PLEKHG1: variants seen among roughly 807,000 people sequenced by gnomAD.
PLEKHG1 encodes the protein pleckstrin homology and RhoGEF domain containing G1.
A neutral mutation model predicts 100.8 loss-of-function variants in PLEKHG1; 44 were observed. The observed-to-expected ratio is 0.44, with a 90% CI of 0.34 to 0.56. PLEKHG1 has a LOEUF of 0.56. PLEKHG1 is among the 20% of genes least tolerant of loss of function. The pLI is 0.01. For synonymous variants in PLEKHG1, 640 were observed against 662.5 expected (o/e 0.97, Z 0.52); for missense variants, 1,545 against 1,720.9 (o/e 0.90, Z 1.81).
intron 10 of PLEKHG1, among the ~76,000 whole-genome samples, chr6:150,811,286 TA>T (rs1337718417): frequency 2.0e-5 from 3 of 150,946 alleles, no homozygotes; most frequent in Non-Finnish European, 4.4e-5. Flanking sequence ...TTTTTTTTTT[TA>T]AAGACAGGAT....
At chr6:150,755,248 C>A (rs562110718) in intron 2 of PLEKHG1, among the ~76,000 whole-genome samples, 8 of 149,512 alleles carry the variant, frequency 5.4e-5, no homozygotes, top group Non-Finnish European at 7.4e-5. Flanking sequence ...AGTGCTAGGA[C>A]TATAGGCATG....
At chr6:150,775,274 A>G (rs889149797) in intron 3 of PLEKHG1, among the ~76,000 whole-genome samples, 1 of 152,218 alleles carries the variant, frequency 6.6e-6, no homozygotes, top group African/African-American at 2.4e-5. Context: ...CTCTCTTGGA[A>G]TACAGAAACG....
At position 150,736,476 on chromosome 6, in the gene PLEKHG1, T is replaced by C. The variant is rs142532739; in HGVS notation, c.411+2384T>C. Among the ~76,000 whole-genome samples the C allele has an allele frequency of 3.1e-3, 467 of 152,306 alleles. 5 individuals carry two copies. Among genetic ancestry groups the C allele is most frequent in the African/African-American group, 0.011 (445 of 41,568 alleles). On this transcript the variant is annotated intron_variant, in intron 2 of 15. Transcript: ENST00000358517. ...TTTTACCTGAAGTCTTTCACAAAAA[T>C]AATCAGATTAGGCTGAATGCGGTGG...
intron 10 of PLEKHG1, among the ~76,000 whole-genome samples, chr6:150,811,635 T>TAA (rs55740953): frequency 9.4e-4 from 131 of 139,554 alleles, no homozygotes; most frequent in Non-Finnish European, 1.7e-3. Context: ...AGACCTGCAT[T>TAA]AAAAAAAAAA....
intron 15 of PLEKHG1, among the ~76,000 whole-genome samples, chr6:150,832,859 G>A (rs1391759593): frequency 6.6e-6 from 1 of 151,338 alleles, no homozygotes; most frequent in African/African-American, 2.4e-5. Context: ...TACATTTTTT[G>A]TAGAGAAGGG....
At chr6:150,727,387 A>C (rs909025201) in intron 1 of PLEKHG1, among the ~76,000 whole-genome samples, 2 of 152,182 alleles carry the variant, frequency 1.3e-5, no homozygotes, top group Non-Finnish European at 2.9e-5. Flanking sequence ...CAGCCTAAGA[A>C]ACCAGAGCCA....
chr6:150,684,677 A>G (rs1283857418), intron 3 of PLEKHG1, among the ~76,000 whole-genome samples: 1 of 152,008 alleles, frequency 6.6e-6, no homozygotes, highest in African/African-American at 2.4e-5. Context: ...GAGCACCACT[A>G]GGAGGGTGTT....
At chr6:150,724,917 A>G (rs973392657) in intron 1 of PLEKHG1, among the ~76,000 whole-genome samples, 2 of 152,154 alleles carry the variant, frequency 1.3e-5, no homozygotes, top group Non-Finnish European at 2.9e-5. Context: ...CCCCTTAGCT[A>G]AGGCAATTTA....
chr6:150,640,728 CACTG>C (rs1778219004), intron 2 of PLEKHG1, among the ~76,000 whole-genome samples: 1 of 152,078 alleles, frequency 6.6e-6, no homozygotes, highest in South Asian at 2.1e-4. Context: ...AAACTGCTCT[CACTG>C]ACCTCATGCC....
chr6:150,719,363 C>T (rs1367791881), upstream of PLEKHG1, among the ~76,000 whole-genome samples: 1 of 152,124 alleles, frequency 6.6e-6, no homozygotes, highest in Non-Finnish European at 1.5e-5. Flanking sequence ...TGATCTGAGG[C>T]TGTGCACGAT....
chr6:150,685,665 A>G (rs911751281), intron 3 of PLEKHG1, among the ~76,000 whole-genome samples: 7 of 152,222 alleles, frequency 4.6e-5, no homozygotes, highest in African/African-American at 1.2e-4. Flanking sequence ...GGAAAGGTCA[A>G]AATAATAAGG....
intron 3 of PLEKHG1, among the ~76,000 whole-genome samples, chr6:150,695,555 A>G (rs1288405955): frequency 1.3e-5 from 2 of 152,218 alleles, no homozygotes; most frequent in African/African-American, 2.4e-5. Context: ...CTTCTACTTA[A>G]CATTTGTGTG....
At chr6:150,753,096 G>A (rs1482966589) in intron 2 of PLEKHG1, among the ~76,000 whole-genome samples, 1 of 152,106 alleles carries the variant, frequency 6.6e-6, no homozygotes, top group Non-Finnish European at 1.5e-5. Flanking sequence ...CTGGGCAACA[G>A]AGCCAGAGCC....
chr6:150,638,916 A>T (rs912587576), intron 2 of PLEKHG1, among the ~76,000 whole-genome samples: 3 of 152,214 alleles, frequency 2.0e-5, no homozygotes, highest in African/African-American at 7.2e-5. Flanking sequence ...CTACAGCTTT[A>T]AAAGTATATT....
intron 3 of PLEKHG1, among the ~76,000 whole-genome samples, chr6:150,715,037 G>C (rs1308368792): frequency 6.6e-6 from 1 of 152,036 alleles, no homozygotes; most frequent in Non-Finnish European, 1.5e-5. Context: ...GGCCCCAAAT[G>C]ATCCACCCAC....
chr6:150,737,013 G>A (rs892697702), intron 2 of PLEKHG1, among the ~76,000 whole-genome samples: 8 of 152,148 alleles, frequency 5.3e-5, no homozygotes, highest in Admixed American at 1.3e-4. Flanking sequence ...GGCAGGAAGA[G>A]CTAGATGCTC....
chr6:150,750,075 A>G (rs760019985), intron 2 of PLEKHG1, among the ~76,000 whole-genome samples: 90 of 152,152 alleles, frequency 5.9e-4, no homozygotes, highest in Non-Finnish European at 9.9e-4. Flanking sequence ...CTGTCTCAAA[A>G]AAAAAAGAAA....
intron 3 of PLEKHG1, among the ~76,000 whole-genome samples, chr6:150,712,148 G>A (rs1414122700): frequency 6.6e-6 from 1 of 152,176 alleles, no homozygotes; most frequent in Non-Finnish European, 1.5e-5. Flanking sequence ...GGATCCCTGA[G>A]GGATCGGGGA....
intron 3 of PLEKHG1, among the ~76,000 whole-genome samples, chr6:150,699,891 AGACT>A (rs1780695775): frequency 6.6e-6 from 1 of 151,416 alleles, no homozygotes; most frequent in African/African-American, 2.5e-5. Flanking sequence ...CTGAGGATAA[AGACT>A]GGCAATTATC....
Sources: allele counts gnomAD v4.1 joint callset (sites outside exome capture counted in the v4.1 genomes callset), GRCh38; gene constraint gnomAD v4.1.1; transcripts MANE v1.5; gene names NCBI Gene and HGNC (gene_info 2026-07-23, HGNC 2026-07-21).